The following RBFOX1 variants were observed in gnomAD, a reference collection of about 807,000 sequenced individuals.
RBFOX1 encodes the protein RNA binding fox-1 homolog 1, also known as RNA binding protein fox-1 homolog 1.
RBFOX1 carries 8 observed loss-of-function variants against 57.7 expected under a neutral mutation model. The ratio of observed to expected loss-of-function variants is 0.14; its 90% CI spans 0.08 to 0.25. The LOEUF is 0.25. RBFOX1 is among the 10% of genes least tolerant of loss of function. The probability of loss-of-function intolerance (pLI) is 1.00; values close to 1 mark genes in which losing one functional copy is unlikely to be tolerated. For synonymous variants in RBFOX1, 326 were observed against 222.4 expected (o/e 1.47, Z -4.15); for missense variants, 611 against 548.5 (o/e 1.11, Z -1.14).
chr16:7,418,780 A>G (rs967108032), intron 4 of RBFOX1, among the ~76,000 whole-genome samples: 16 of 151,062 alleles, frequency 1.1e-4, no homozygotes, highest in Admixed American at 1.1e-3. Flanking sequence ...CTGTGTCTCT[A>G]TCTCTGTCTT....
chr16:6,573,632 TA>T (rs1406007055), intron 2 of RBFOX1: 6 of 152,202 alleles, frequency 3.9e-5, no homozygotes, highest in Non-Finnish European at 7.3e-5. Context: ...CTCTGGAAAA[TA>T]AGGCTTATGA....
At chr16:5,814,406 T>C (rs1355657623) in intron 3 of RBFOX1, among the ~76,000 whole-genome samples, 1 of 152,166 alleles carries the variant, frequency 6.6e-6, no homozygotes, top group Non-Finnish European at 1.5e-5. Context: ...TTTTCCCTCT[T>C]CCGAAGAATT....
intron 4 of RBFOX1, among the ~76,000 whole-genome samples, chr16:7,470,782 A>G (rs954331957): frequency 1.3e-5 from 2 of 152,142 alleles, no homozygotes; most frequent in Admixed American, 1.3e-4. Context: ...TATGCCATTG[A>G]TCTCACTGGG....
At chr16:5,665,139 G>GGT (rs1555497035) in intron 3 of RBFOX1, among the ~76,000 whole-genome samples, 1 of 115,450 alleles carries the variant, frequency 8.7e-6, no homozygotes, top group Non-Finnish European at 2.1e-5. Flanking sequence ...CATGGGGGGG[G>GGT]GCGGTCTTGC....
intron 1 of RBFOX1, among the ~76,000 whole-genome samples, chr16:5,248,718 G>C (rs1049204971): frequency 2.6e-5 from 4 of 152,136 alleles, no homozygotes; most frequent in African/African-American, 9.7e-5. Flanking sequence ...GGCCGGGCAC[G>C]GTGGCTCACA....
intron 3 of RBFOX1, among the ~76,000 whole-genome samples, chr16:5,737,999 C>G (rs1467272448): frequency 1.3e-5 from 2 of 151,956 alleles, no homozygotes; most frequent in Admixed American, 1.3e-4. Context: ...AATGTTATCC[C>G]TCCCCTTGCC....
intron 2 of RBFOX1, among the ~76,000 whole-genome samples, chr16:6,359,357 T>A (rs915565967): frequency 1.3e-5 from 2 of 152,120 alleles, no homozygotes. Flanking sequence ...GCCCCCAAAG[T>A]GCTGAGATTA....
At chr16:7,576,094 C>CT (rs2093315011) in intron 5 of RBFOX1, among the ~76,000 whole-genome samples, 2 of 96,194 alleles carry the variant, frequency 2.1e-5, no homozygotes, top group African/African-American at 4.7e-5. Context: ...CCATGATCAG[C>CT]TATTTTTTTT....
At chr16:6,365,777 A>C (rs2089491820) in intron 2 of RBFOX1, among the ~76,000 whole-genome samples, 1 of 152,240 alleles carries the variant, frequency 6.6e-6, no homozygotes. Context: ...GGTTAACCTC[A>C]GTATCCATGT....
intron 5 of RBFOX1, among the ~76,000 whole-genome samples, chr16:7,573,447 C>A (rs779642270): frequency 6.6e-6 from 1 of 152,126 alleles, no homozygotes; most frequent in Non-Finnish European, 1.5e-5. Context: ...TCAATTTCCT[C>A]CATTCTCTGA....
intron 1 of RBFOX1, among the ~76,000 whole-genome samples, chr16:6,243,168 T>TGTGTGTGTGTG: frequency 7.5e-6 from 1 of 133,326 alleles, no homozygotes; most frequent in African/African-American, 2.8e-5. Context: ...GTGTGTGTGT[T>TGTGTGTGTGTG]TATGTACAGT....
At chr16:5,405,047 C>G (rs1029205246) in intron 1 of RBFOX1, among the ~76,000 whole-genome samples, 4 of 152,162 alleles carry the variant, frequency 2.6e-5, no homozygotes, top group African/African-American at 7.2e-5. Context: ...TTATTCCAGT[C>G]TTACTGATGT....
At chr16:5,275,773 C>G (rs1211205267) in intron 1 of RBFOX1, among the ~76,000 whole-genome samples, 1 of 152,122 alleles carries the variant, frequency 6.6e-6, no homozygotes, top group African/African-American at 2.4e-5. Flanking sequence ...ATCACATTAC[C>G]CAACTTCAAA....
At chr16:6,680,388 G>A (rs1021480892) in intron 3 of RBFOX1, among the ~76,000 whole-genome samples, 5 of 146,606 alleles carry the variant, frequency 3.4e-5, no homozygotes, top group African/African-American at 5.0e-5. Context: ...TCAGCCTCCC[G>A]AGTAGCTGGG....
At position 6,216,201 on chromosome 16, in the gene RBFOX1, C is replaced by A. The variant is rs146503697; in HGVS notation, c.-126-100794C>A. 2.7e-3 allele frequency among the ~76,000 whole-genome samples: 417 copies of A among 152,088 alleles called. 1 individual carries two copies. Among genetic ancestry groups the A allele is most frequent in the Non-Finnish European group, 4.5e-3 (305 of 67,980 alleles). ...GGGTACTGGGCTTAATACCTGGGTG[C>A]TGAAATAATCTGAACAACAACCCCC... On this transcript the variant is annotated intron_variant, in intron 1 of 15. Coordinates refer to ENST00000550418, the MANE Select transcript of RBFOX1 (RefSeq NM_018723.4).
At chr16:6,008,436 G>C (rs2094940056) in intron 4 of RBFOX1, among the ~76,000 whole-genome samples, 1 of 152,092 alleles carries the variant, frequency 6.6e-6, no homozygotes, top group Non-Finnish European at 1.5e-5. Flanking sequence ...TTAGTGGAGT[G>C]GTGTGAATGG....
intron 4 of RBFOX1, among the ~76,000 whole-genome samples, chr16:7,348,321 C>T (rs764790560): frequency 6.6e-6 from 1 of 152,116 alleles, no homozygotes; most frequent in South Asian, 2.1e-4. Context: ...CTACTCTCAT[C>T]GTATTCACAA....
intron 4 of RBFOX1, among the ~76,000 whole-genome samples, chr16:7,145,132 G>C (rs994187659): frequency 2.0e-4 from 30 of 152,178 alleles, no homozygotes; most frequent in African/African-American, 7.2e-4. Flanking sequence ...TCTCAGGATG[G>C]TTTTGCTGCA....
chr16:6,003,985 A>T (rs2060648985), intron 4 of RBFOX1, among the ~76,000 whole-genome samples: 1 of 152,184 alleles, frequency 6.6e-6, no homozygotes, highest in South Asian at 2.1e-4. Context: ...CTTTGGGTTT[A>T]TTGAGAGTTT....
Sources: allele counts gnomAD v4.1 joint callset (sites outside exome capture counted in the v4.1 genomes callset), GRCh38; gene constraint gnomAD v4.1.1; transcripts MANE v1.5; gene names NCBI Gene and HGNC (gene_info 2026-07-23, HGNC 2026-07-21).